Variants in AZIN2 observed in about 807,000 individuals in gnomAD.
AZIN2 encodes the protein ODC antizyme inhibitor-2.
Under a neutral mutation model 47.8 loss-of-function variants are expected in AZIN2, and 28 were observed. That is an observed-to-expected ratio of 0.59 (90% CI 0.43 to 0.80). The LOEUF (loss-of-function observed/expected upper bound fraction) is 0.80. AZIN2 is among the 30% of genes least tolerant of loss of function. The pLI, the probability that AZIN2 is intolerant of heterozygous loss-of-function variation, is 0.00. For synonymous variants in AZIN2, 221 were observed against 239.4 expected, an observed-to-expected ratio of 0.92 and a Z score of 0.71; for missense variants, 535 against 582.5, an observed-to-expected ratio of 0.92 and a Z score of 0.84.
the AZIN2 span, chr1:33,165,654 G>T: frequency 8.4e-7 from 1 of 1,189,650 alleles, no homozygotes; most frequent in Non-Finnish European, 1.1e-6. The surrounding 1 kb of genome is among the most constrained non-coding windows in gnomAD (Gnocchi z 4.0). Flanking sequence ...CTGGGGGTTA[G>T]CCTGGTCTCT....
chr1:33,117,150 T>C (rs1557725979), intron 10 of AZIN2, among the ~76,000 whole-genome samples: 1 of 152,240 alleles, frequency 6.6e-6, no homozygotes, highest in African/African-American at 2.4e-5. Context: ...AGAGCCTCCA[T>C]TTTTCTGAAA....
At chr1:33,083,866 T>G in intron 4 of AZIN2, 88 bp from the exon 5 acceptor site, 1 of 1,523,774 alleles carries the variant, frequency 6.6e-7, no homozygotes, top group Non-Finnish European at 9.0e-7. Flanking sequence ...GTACTGAACC[T>G]GGGTCAGGTA....
the AZIN2 span, chr1:33,146,956 G>C: frequency 3.7e-5 from 22 of 590,420 alleles, no homozygotes; most frequent in African/African-American, 4.1e-4. Flanking sequence ...GATCAAAGCT[G>C]TATCCCTATC....
At chr1:33,140,613 C>T in the AZIN2 span, among the ~76,000 whole-genome samples, 1 of 152,190 alleles carries the variant, frequency 6.6e-6, no homozygotes. This position sits in a 1 kb window ranked among gnomAD's most constrained non-coding sequence, Gnocchi z 4.0. Context: ...AATCAGGGAA[C>T]CCCCTTGGGC....
chr1:33,162,366 A>C, the AZIN2 span, among the ~76,000 whole-genome samples: 1 of 152,230 alleles, frequency 6.6e-6, no homozygotes, highest in Admixed American at 6.5e-5. Flanking sequence ...CTAGCTTGAA[A>C]GTGACCTCTT....
At chr1:33,102,436 C>T (rs1178582723) in intron 10 of AZIN2, among the ~76,000 whole-genome samples, 1 of 152,124 alleles carries the variant, frequency 6.6e-6, no homozygotes, top group Non-Finnish European at 1.5e-5. Context: ...GTACCTGTTC[C>T]ATGATGCCAT....
chr1:33,104,563 TATAGAA>T (rs1177434507), intron 10 of AZIN2, among the ~76,000 whole-genome samples: 4 of 151,494 alleles, frequency 2.6e-5, no homozygotes, highest in African/African-American at 7.3e-5. Context: ...TATATAGTCT[TATAGAA>T]ATAGAATGTT....
At chr1:33,154,198 C>T in the AZIN2 span, among the ~76,000 whole-genome samples, 1 of 152,220 alleles carries the variant, frequency 6.6e-6, no homozygotes, top group Non-Finnish European at 1.5e-5. Flanking sequence ...TGGTGGCTCA[C>T]GCCTGTAATG....
chr1:33,117,345 T>C (rs1047830061), intron 10 of AZIN2, among the ~76,000 whole-genome samples: 17 of 152,064 alleles, frequency 1.1e-4, no homozygotes, highest in Admixed American at 1.1e-3. Context: ...GAGGGCTTCA[T>C]AGACGAGGGA....
At chr1:33,142,207 T>C in the AZIN2 span, 1 of 152,294 alleles carries the variant, frequency 6.6e-6, no homozygotes, top group Non-Finnish European at 1.5e-5. Context: ...TTTGGGGTGG[T>C]GAACAGAGCT....
intron 3 of AZIN2, 63 bp from the exon 4 acceptor site, chr1:33,082,115 G>A: frequency 1.4e-6 from 1 of 731,372 alleles, no homozygotes; most frequent in Non-Finnish European, 2.4e-6. Context: ...CTGGCCTCGG[G>A]AGGCGAGTGG....
At chr1:33,132,598 T>C in the AZIN2 span, among the ~76,000 whole-genome samples, 3 of 152,230 alleles carry the variant, frequency 2.0e-5, no homozygotes, top group African/African-American at 7.2e-5. Flanking sequence ...CCTGACTGGT[T>C]AGTTGCTCCT....
chr1:33,089,051 T>C (rs1422216104), intron 5 of AZIN2, among the ~76,000 whole-genome samples: 1 of 152,142 alleles, frequency 6.6e-6, no homozygotes, highest in Non-Finnish European at 1.5e-5. Context: ...AAAATACCCG[T>C]CAGTGCAGCA....
intron 5 of AZIN2, among the ~76,000 whole-genome samples, chr1:33,087,507 G>A (rs1272300386): frequency 6.6e-6 from 1 of 151,658 alleles, no homozygotes; most frequent in African/African-American, 2.4e-5. Flanking sequence ...CGTGATCTCA[G>A]TTCACTGCAA....
intron 10 of AZIN2, among the ~76,000 whole-genome samples, chr1:33,099,448 C>A (rs139284975): frequency 6.6e-6 from 1 of 152,236 alleles, no homozygotes; most frequent in Admixed American, 6.5e-5. Context: ...CTTGTGGTAG[C>A]CCACATCCTA....
intron 9 of AZIN2, 60 bp from the exon 10 acceptor site, chr1:33,098,006 GC>G: frequency 1.6e-6 from 2 of 1,261,086 alleles, no homozygotes; most frequent in Non-Finnish European, 2.3e-6. Context: ...TGTTGTGTCA[GC>G]CCCACTACCA....
At chr1:33,117,280 C>G (rs933144222) in intron 10 of AZIN2, among the ~76,000 whole-genome samples, 1 of 152,054 alleles carries the variant, frequency 6.6e-6, no homozygotes, top group Non-Finnish European at 1.5e-5. Flanking sequence ...GTGAGTCTAG[C>G]CTGGTATACT....
At chr1:33,144,135 C>CTTTTT in the AZIN2 span, among the ~76,000 whole-genome samples, 96 of 146,516 alleles carry the variant, frequency 6.6e-4, 1 homozygote, top group Non-Finnish European at 1.0e-3. Flanking sequence ...AATGTTACTT[C>CTTTTT]TTTTTTTTTT....
chr1:33,085,477 G>A (rs1641785501), intron 5 of AZIN2, among the ~76,000 whole-genome samples: 1 of 152,108 alleles, frequency 6.6e-6, no homozygotes, highest in South Asian at 2.1e-4. Flanking sequence ...AAGGCCCTGA[G>A]GTGGGAGCAA....
Sources: allele counts gnomAD v4.1 joint callset (sites outside exome capture counted in the v4.1 genomes callset), GRCh38; gene constraint gnomAD v4.1.1; non-coding constraint Gnocchi (gnomAD v3.1); transcripts MANE v1.5; gene names NCBI Gene and HGNC (gene_info 2026-07-23, HGNC 2026-07-21).